The following ETFA variants were observed in gnomAD, a reference collection of about 807,000 sequenced individuals.
ETFA encodes electron transfer flavoprotein subunit alpha, also known as electron transfer flavoprotein subunit alpha, mitochondrial.
Under a neutral mutation model 46.2 loss-of-function variants are expected in ETFA, and 22 were observed. The ratio of observed to expected loss-of-function variants is 0.48; its 90% CI spans 0.34 to 0.68. ETFA has a LOEUF of 0.68. Among genes scored for constraint, ETFA ranks in the 30% least tolerant of loss-of-function variants. The pLI is 0.01. For missense variants in ETFA, 345 were observed against 401.1 expected (o/e 0.86, Z 1.19); for synonymous variants, 131 against 139.9 (o/e 0.94, Z 0.45).
intron 9 of ETFA, among the ~76,000 whole-genome samples, chr15:76,242,335 T>C (rs1045408907): frequency 6.6e-5 from 10 of 152,158 alleles, no homozygotes; most frequent in African/African-American, 2.4e-4. Context: ...GACTTCCAAG[T>C]AGTATTCTTT....
At chr15:76,276,966 T>C (rs528611086) in intron 8 of ETFA, among the ~76,000 whole-genome samples, 1 of 152,236 alleles carries the variant, frequency 6.6e-6, no homozygotes, top group Non-Finnish European at 1.5e-5. Context: ...AACTGTCTTT[T>C]ACCTTTTAGT....
At position 76,285,680 on chromosome 15, in the gene ETFA, A is replaced by G; in HGVS notation, c.621T>C (p.Ser207=). 6.2e-7 allele frequency: 1 copy of G among 1,612,916 alleles called. No individual in the cohort carries two copies. The highest frequency in any genetic ancestry group is 2.2e-5 in the East Asian group (1 of 44,826). ...TGGCACCTGTTAGCTCTGGTCGATC[A>G]CTTTTTGTTAATTTCTGGTCAAGCC... ...SEWLDQKLTK[S]DRPELTGAKV... The change falls in exon 7 of 12, where the codon AGT becomes AGC. Residue 207 remains serine (S), a synonymous_variant. Coordinates refer to ENST00000557943, the MANE Select transcript of ETFA (RefSeq NM_000126.4).
At position 76,244,666 on chromosome 15, in the gene ETFA, A is replaced by G. The variant is rs80194076; in HGVS notation, c.817-13268T>C. Among the ~76,000 whole-genome samples the G allele has an allele frequency of 8.9e-3, 696 of 78,112 alleles. 6 individuals are homozygous for G. The highest frequency in any genetic ancestry group is 0.027 in the African/African-American group (657 of 24,620). The allele number at this position is 78,112 out of a possible 152,430, so 51.2% of individuals were successfully genotyped here. On this transcript the variant is annotated intron_variant, in intron 9 of 11. Transcript: ENST00000557943. ...AGAAAATACATTGGTTTTTATAGGAAAAAAAAAAAACAAAATTACATAGAA... is the reference window on the plus strand; with the variant it reads ...AGAAAATACATTGGTTTTTATAGGAGAAAAAAAAAACAAAATTACATAGAA...
intron 9 of ETFA, among the ~76,000 whole-genome samples, chr15:76,250,700 A>T (rs1245927873): frequency 1.4e-5 from 2 of 144,424 alleles, no homozygotes; most frequent in African/African-American, 5.1e-5. Flanking sequence ...ACCCAACTAA[A>T]TTTTTTTTTT....
At chr15:76,224,611 G>C (rs2038986677) in intron 11 of ETFA, among the ~76,000 whole-genome samples, 1 of 152,130 alleles carries the variant, frequency 6.6e-6, no homozygotes. Flanking sequence ...CACAGAAATG[G>C]GCCAGTCCTC....
At chr15:76,266,627 G>A (rs1027389628) in intron 9 of ETFA, among the ~76,000 whole-genome samples, 1 of 152,192 alleles carries the variant, frequency 6.6e-6, no homozygotes, top group African/African-American at 2.4e-5. Context: ...AATTTGGCCG[G>A]GTGCGGTGAC....
chr15:76,300,726 T>C (rs1323144632), intron 1 of ETFA, among the ~76,000 whole-genome samples: 2 of 152,134 alleles, frequency 1.3e-5, no homozygotes, highest in Non-Finnish European at 2.9e-5. Context: ...GGTTGGTTTA[T>C]CATGTGTTTA....
intron 1 of ETFA, among the ~76,000 whole-genome samples, chr15:76,302,508 T>C (rs1272609833): frequency 6.6e-6 from 1 of 150,932 alleles, no homozygotes; most frequent in African/African-American, 2.4e-5. Context: ...GAACAAAGCA[T>C]AGAGGTTTTT....
At chr15:76,238,934 G>C (rs1446420371) in intron 9 of ETFA, among the ~76,000 whole-genome samples, 1 of 152,130 alleles carries the variant, frequency 6.6e-6, no homozygotes, top group Non-Finnish European at 1.5e-5. Flanking sequence ...TTCACATGAA[G>C]GGAAGATTTT....
At chr15:76,260,718 T>C in intron 9 of ETFA, 1 of 1,605,452 alleles carries the variant, frequency 6.2e-7, no homozygotes, top group Non-Finnish European at 8.5e-7. Context: ...GTGGATGGCA[T>C]GGAGGTTTTG....
chr15:76,307,093 A>G (rs2039946753), intron 1 of ETFA, among the ~76,000 whole-genome samples: 1 of 152,232 alleles, frequency 6.6e-6, no homozygotes, highest in African/African-American at 2.4e-5. Flanking sequence ...CACAGTAAAA[A>G]GAGTACTCAA....
chr15:76,224,232 T>C (rs1357248256), intron 11 of ETFA, among the ~76,000 whole-genome samples: 5 of 152,072 alleles, frequency 3.3e-5, no homozygotes, highest in Non-Finnish European at 7.4e-5. Context: ...CACTGGAACA[T>C]CTTAGTGGGA....
chr15:76,242,330 C>G (rs766692594), intron 9 of ETFA, among the ~76,000 whole-genome samples: 4 of 152,186 alleles, frequency 2.6e-5, no homozygotes, highest in Admixed American at 6.5e-5. Flanking sequence ...CTCCTGACTT[C>G]CAAGTAGTAT....
chr15:76,301,405 AT>A (rs1208295902), intron 1 of ETFA, among the ~76,000 whole-genome samples: 5 of 152,058 alleles, frequency 3.3e-5, no homozygotes, highest in African/African-American at 7.2e-5. Flanking sequence ...GGAAGTGAAC[AT>A]TTTTTTTAAA....
intron 2 of ETFA, among the ~76,000 whole-genome samples, chr15:76,293,816 G>A (rs549907572): frequency 9.8e-5 from 15 of 152,320 alleles, no homozygotes; most frequent in African/African-American, 2.9e-4. Context: ...AGTGTTCACC[G>A]GCATACCATT....
At chr15:76,278,962 G>GA (rs765824176) in intron 8 of ETFA, among the ~76,000 whole-genome samples, 113 of 152,286 alleles carry the variant, frequency 7.4e-4, no homozygotes, top group Non-Finnish European at 1.2e-3. Context: ...AAAGTGAAGA[G>GA]AAAAAATATG....
chr15:76,246,841 AAAAAG>A (rs1370808860), intron 9 of ETFA, among the ~76,000 whole-genome samples: 1 of 152,102 alleles, frequency 6.6e-6, no homozygotes, highest in East Asian at 1.9e-4. Context: ...CTCAAAAAAA[AAAAAG>A]AAAAGAAAAT....
At chr15:76,220,442 T>G (rs1352519103) in intron 11 of ETFA, among the ~76,000 whole-genome samples, 1 of 152,212 alleles carries the variant, frequency 6.6e-6, no homozygotes, top group Non-Finnish European at 1.5e-5. Flanking sequence ...TCATCAAAAT[T>G]TAAAACTTTA....
At position 76,231,508 on chromosome 15, in the gene ETFA, T is replaced by C. The variant is rs922632244; in HGVS notation, c.817-110A>G. ...TAGGCAAAAGATATGTTAAATAAAA[T>C]AGAGGCAAAATGTATTGCTTAAATT... On this transcript the variant is annotated intron_variant, in intron 9 of 11. Transcript: ENST00000557943. 13 of 667,042 alleles carry C rather than the reference T, an allele frequency of 1.9e-5. No individual in the cohort carries two copies. The African/African-American group carries it at 2.0e-4, about 10-fold the overall frequency. 41.3% of individuals were successfully genotyped at this position (667,042 alleles called of 1,614,324 possible). A position where few individuals can be genotyped will look rare whatever the true frequency, so the allele number is the denominator to read the frequency against.
Sources: allele counts gnomAD v4.1 joint callset (sites outside exome capture counted in the v4.1 genomes callset), GRCh38; gene constraint gnomAD v4.1.1; transcripts MANE v1.5; gene names NCBI Gene and HGNC (gene_info 2026-07-23, HGNC 2026-07-21).